The following EBF1 variants were observed in gnomAD, a reference collection of about 807,000 sequenced individuals.
The protein encoded by EBF1 is transcription factor COE1.
Under a neutral mutation model 68.4 loss-of-function variants are expected in EBF1, and 10 were observed. The ratio of observed to expected loss-of-function variants is 0.15; its 90% CI spans 0.09 to 0.25. The LOEUF (loss-of-function observed/expected upper bound fraction) is 0.25, where lower values mean the gene tolerates loss of function less well. EBF1 is among the 10% of genes least tolerant of loss of function. The pLI is 1.00. For synonymous variants in EBF1, 298 were observed against 299.8 expected, an observed-to-expected ratio of 0.99 and a Z score of 0.06; for missense variants, 509 against 794.4, an observed-to-expected ratio of 0.64 and a Z score of 4.32.
chr5:158,746,125 G>C (rs17634544), intron 10 of EBF1, among the ~76,000 whole-genome samples: 4,431 of 152,284 alleles, frequency 0.029, 108 homozygotes, highest in Non-Finnish European at 0.049. Flanking sequence ...TTGTCTGAGA[G>C]CTGCAAATGG....
intron 7 of EBF1, among the ~76,000 whole-genome samples, chr5:158,835,274 T>C (rs1788503476): frequency 6.6e-6 from 1 of 152,134 alleles, no homozygotes; most frequent in South Asian, 2.1e-4. Context: ...TCGGGGTGAT[T>C]TACTCATGCC....
intron 10 of EBF1, among the ~76,000 whole-genome samples, chr5:158,753,671 C>T (rs115779459): frequency 1.0e-3 from 158 of 152,218 alleles, no homozygotes; most frequent in African/African-American, 3.7e-3. Flanking sequence ...ACTGCTTTCA[C>T]CTTTTTAGCA....
intron 6 of EBF1, among the ~76,000 whole-genome samples, chr5:158,919,882 T>A (rs1478161251): frequency 6.6e-6 from 1 of 152,224 alleles, no homozygotes; most frequent in African/African-American, 2.4e-5. Context: ...AACAGGGCTT[T>A]AAAGACAGGA....
intron 8 of EBF1, 119 bp from the exon 9 acceptor site, chr5:158,796,594 C>A: frequency 8.0e-7 from 1 of 1,250,544 alleles, no homozygotes; most frequent in Non-Finnish European, 1.1e-6. Context: ...CAGAAAGTCC[C>A]TCAAGATCTC....
At chr5:158,981,445 T>A (rs1297658569) in intron 6 of EBF1, among the ~76,000 whole-genome samples, 1 of 152,174 alleles carries the variant, frequency 6.6e-6, no homozygotes, top group African/African-American at 2.4e-5. Flanking sequence ...GCCAAAACCC[T>A]CATTTACATT....
At chr5:158,782,672 A>C (rs1252552206) in intron 9 of EBF1, among the ~76,000 whole-genome samples, 2 of 152,102 alleles carry the variant, frequency 1.3e-5, no homozygotes, top group African/African-American at 4.8e-5. Context: ...AAAAATAATA[A>C]AATAAAATAA....
At chr5:158,771,417 A>T (rs958541491) in intron 10 of EBF1, among the ~76,000 whole-genome samples, 2 of 152,154 alleles carry the variant, frequency 1.3e-5, no homozygotes, top group African/African-American at 4.8e-5. Flanking sequence ...GTAAAACTTC[A>T]AGTAGAAAGG....
intron 10 of EBF1, among the ~76,000 whole-genome samples, chr5:158,764,940 A>T (rs1172483078): frequency 6.6e-6 from 1 of 152,160 alleles, no homozygotes; most frequent in Non-Finnish European, 1.5e-5. Context: ...GGGGCTAAAA[A>T]TACCTGTCTT....
chr5:158,838,136 G>A (rs2127954532), intron 7 of EBF1, among the ~76,000 whole-genome samples: 1 of 152,170 alleles, frequency 6.6e-6, no homozygotes, highest in Middle Eastern at 3.4e-3. Flanking sequence ...GAAACATTTT[G>A]CAAGAAACTA....
intron 6 of EBF1, among the ~76,000 whole-genome samples, chr5:158,988,246 G>A (rs1044704535): frequency 2.6e-5 from 4 of 152,138 alleles, no homozygotes; most frequent in South Asian, 2.1e-4. Flanking sequence ...CCTTCTCTTC[G>A]TAATTGTACT....
In EBF1 at chr5:158,697,289, A is replaced by G. The variant is rs1375658640; in HGVS notation, c.*1822T>C. 5.3e-6 allele frequency: 1 copy of G among 189,378 alleles called. No homozygotes were observed. The highest frequency in any genetic ancestry group is 2.4e-5 in the African/African-American group (1 of 42,290). 11.7% of individuals were successfully genotyped at this position (189,378 alleles called of 1,614,324 possible). On this transcript the variant is annotated 3_prime_UTR_variant, in exon 16 of 16. Coordinates refer to ENST00000313708, the MANE Select transcript of EBF1 (RefSeq NM_024007.5). ...ATGCTACTATTTTTTTTTTTTTGCC[A>G]TATATTGGAAAAAACTTCTTAACTT...
rs536923773 is a variant in EBF1 at position 158,857,699 on chromosome 5, C to T, written c.555-17589G>A. 4.6e-5 allele frequency among the ~76,000 whole-genome samples: 7 copies of T among 152,162 alleles called. No individual in the cohort carries two copies. In the East Asian group the frequency reaches 5.8e-4, roughly 13 times the overall value. ...CAGTTTTCCATACTAAAAATGGAGA[C>T]GGGGAAAAAATCCATTTAACTTTGA... On this transcript the variant is annotated intron_variant, in intron 6 of 15. Coordinates refer to ENST00000313708, the MANE Select transcript of EBF1 (RefSeq NM_024007.5).
In EBF1 at chr5:158,696,636, T is replaced by C. The variant is rs912537870; in HGVS notation, c.*2475A>G. On this transcript the variant is annotated 3_prime_UTR_variant, in exon 16 of 16. Coordinates refer to ENST00000313708, the MANE Select transcript of EBF1 (RefSeq NM_024007.5). Reference sequence around the variant, plus strand: ...CACCTTGCTTACATTTTCCAGTTTTTTTTATTATTATTAGTCATCATTATT... The same window carrying C: ...CACCTTGCTTACATTTTCCAGTTTTCTTTATTATTATTAGTCATCATTATT... The C allele has an allele frequency of 9.3e-6, 2 of 214,882 alleles. No individual in the cohort carries two copies. Among genetic ancestry groups the C allele is most frequent in the African/African-American group, 4.5e-5 (2 of 44,208 alleles). 13.3% of individuals were successfully genotyped at this position (214,882 alleles called of 1,614,324 possible). A position where few individuals can be genotyped will look rare whatever the true frequency, so the allele number is the denominator to read the frequency against.
intron 8 of EBF1, among the ~76,000 whole-genome samples, chr5:158,798,661 CA>C (rs1411481194): frequency 6.6e-6 from 1 of 152,164 alleles, no homozygotes; most frequent in East Asian, 1.9e-4. Context: ...TATGTGCTTT[CA>C]AACACTTCCC....
intron 6 of EBF1, among the ~76,000 whole-genome samples, chr5:158,963,932 C>T (rs1753587613): frequency 2.0e-5 from 3 of 152,170 alleles, no homozygotes; most frequent in Admixed American, 2.0e-4. Flanking sequence ...CCTCAAGGAG[C>T]TCGCTGCTGG....
chr5:158,976,380 T>C (rs1020911057), intron 6 of EBF1, among the ~76,000 whole-genome samples: 110 of 152,038 alleles, frequency 7.2e-4, no homozygotes, highest in African/African-American at 2.6e-3. Context: ...ACACCAGTTA[T>C]GTGTGCAAAC....
At chr5:159,090,909 A>C (rs1781510953) in intron 4 of EBF1, among the ~76,000 whole-genome samples, 1 of 152,172 alleles carries the variant, frequency 6.6e-6, no homozygotes, top group Non-Finnish European at 1.5e-5. Context: ...AAGTTATTTA[A>C]TTCTCACAAC....
intron 10 of EBF1, among the ~76,000 whole-genome samples, chr5:158,776,074 G>T (rs763397351): frequency 9.9e-5 from 15 of 152,022 alleles, no homozygotes; most frequent in South Asian, 2.1e-4. Flanking sequence ...GACTTTGTTG[G>T]GATGGCTGAG....
At chr5:158,884,011 C>T (rs544555054) in intron 6 of EBF1, among the ~76,000 whole-genome samples, 4 of 152,188 alleles carry the variant, frequency 2.6e-5, no homozygotes, top group Non-Finnish European at 4.4e-5. Context: ...CACTCCAACA[C>T]ACACAGCAAC....
Sources: gnomAD v4.1 joint callset for allele counts (sites outside exome capture counted in the v4.1 genomes callset) on GRCh38, gnomAD v4.1.1 for gene constraint, MANE v1.5 for transcripts, NCBI Gene and HGNC (gene_info 2026-07-23, HGNC 2026-07-21) for gene names.